Variants in PSD3 observed in about 807,000 individuals in gnomAD.
PSD3 encodes pleckstrin and Sec7 domain containing 3.
In PSD3, 49 loss-of-function variants were observed where a neutral mutation model predicts 105.5. The observed-to-expected ratio is 0.46, with a 90% confidence interval of 0.37 to 0.59. The LOEUF (loss-of-function observed/expected upper bound fraction) is 0.59. PSD3 is among the 20% of genes least tolerant of loss of function. The probability of loss-of-function intolerance (pLI) is 0.00; values close to 1 mark genes in which losing one functional copy is unlikely to be tolerated. For synonymous variants in PSD3, 557 were observed against 457.8 expected, an observed-to-expected ratio of 1.22 and a Z score of -2.77; for missense variants, 1,561 against 1,263.8, an observed-to-expected ratio of 1.24 and a Z score of -3.57.
chr8:19,014,802 G>C (rs1827123284), upstream of PSD3, among the ~76,000 whole-genome samples: 1 of 152,210 alleles, frequency 6.6e-6, no homozygotes. This position sits in a 1 kb window ranked among gnomAD's most constrained non-coding sequence, Gnocchi z 4.9. Flanking sequence ...GAGCATAGCT[G>C]AGATGCACCA....
intron 10 of PSD3, among the ~76,000 whole-genome samples, chr8:18,643,009 G>A (rs1176079832): frequency 6.6e-6 from 1 of 152,178 alleles, no homozygotes; most frequent in Non-Finnish European, 1.5e-5. Context: ...ATTTCACAGA[G>A]CCATATGAGA....
chr8:18,739,471 A>G (rs908075359), intron 9 of PSD3, among the ~76,000 whole-genome samples: 1 of 152,184 alleles, frequency 6.6e-6, no homozygotes, highest in East Asian at 1.9e-4. Context: ...GTTCTAAAAC[A>G]TCTGTTTTAT....
At chr8:18,929,988 G>T (rs1413023327) in intron 2 of PSD3, among the ~76,000 whole-genome samples, 1 of 152,066 alleles carries the variant, frequency 6.6e-6, no homozygotes, top group African/African-American at 2.4e-5. Context: ...TTTAAAATAG[G>T]AAAGAAAAAT....
intron 10 of PSD3, among the ~76,000 whole-genome samples, chr8:18,641,844 T>C (rs180891067): frequency 5.9e-5 from 9 of 152,238 alleles, no homozygotes; most frequent in Admixed American, 2.0e-4. Flanking sequence ...GTTTCTATTA[T>C]ACCACATCAC....
At chr8:18,922,215 C>A (rs1821067131) in intron 2 of PSD3, among the ~76,000 whole-genome samples, 1 of 152,288 alleles carries the variant, frequency 6.6e-6, no homozygotes, top group Admixed American at 6.5e-5. Flanking sequence ...TCTGCAACAT[C>A]TCAAGGACCT....
chr8:18,842,690 G>A (rs960671384), intron 4 of PSD3, among the ~76,000 whole-genome samples: 4 of 151,392 alleles, frequency 2.6e-5, no homozygotes, highest in Non-Finnish European at 5.9e-5. Flanking sequence ...CCGAGATAGC[G>A]CCACCGCACT....
chr8:18,848,938 A>G lies in PSD3; in HGVS notation c.1634+18736T>C, dbSNP rs373898197. On this transcript the variant is annotated intron_variant, in intron 4 of 15. Coordinates refer to ENST00000327040, the MANE Select transcript of PSD3 (RefSeq NM_015310.4). ...AAATGCTCAGCTATGCAATTTCCAC[A>G]AAGTCAATCAATGATGAATTCAAAG... Among the ~76,000 whole-genome samples, 117 of 152,350 alleles carry G rather than the reference A, an allele frequency of 7.7e-4. 2 individuals carry two copies. The South Asian group carries it at 0.024, about 31-fold the overall frequency.
chr8:18,646,347 C>G (rs879834880), intron 10 of PSD3, among the ~76,000 whole-genome samples: 5 of 151,976 alleles, frequency 3.3e-5, no homozygotes, highest in Admixed American at 6.6e-5. Context: ...TCTATATTCA[C>G]TAGGGATTAA....
chr8:18,747,126 C>A (rs1361224955), intron 9 of PSD3, among the ~76,000 whole-genome samples: 1 of 152,186 alleles, frequency 6.6e-6, no homozygotes, highest in Non-Finnish European at 1.5e-5. Flanking sequence ...GTAAATAATG[C>A]CCCCACATCT....
At chr8:18,545,542 G>C (rs1800405294) in intron 15 of PSD3, among the ~76,000 whole-genome samples, 1 of 152,182 alleles carries the variant, frequency 6.6e-6, no homozygotes, top group South Asian at 2.1e-4. Flanking sequence ...CCCAAGATAA[G>C]TAATCTGGGC....
chr8:18,631,581 T>C (rs1249782791), intron 11 of PSD3, among the ~76,000 whole-genome samples: 1 of 151,678 alleles, frequency 6.6e-6, no homozygotes, highest in Non-Finnish European at 1.5e-5. Context: ...TCTTCAGGTG[T>C]GCCCTTTTGC....
At position 18,534,524 on chromosome 8, in the gene PSD3, AG is replaced by A. The variant is rs1218809065; in HGVS notation, c.*1218del. ...AAGTATTTTTAGGAGAAAGTTGAGTAGTAGCAGAGTGAAGTGGCTATCAAGG... is the reference window on the plus strand; with the variant it reads ...AAGTATTTTTAGGAGAAAGTTGAGTATAGCAGAGTGAAGTGGCTATCAAGG... On this transcript the variant is annotated 3_prime_UTR_variant, in exon 16 of 16. Transcript: ENST00000327040. 6.6e-6 allele frequency: 1 copy of A among 152,406 alleles called. No individual in the cohort carries two copies. Among genetic ancestry groups the A allele is most frequent in the East Asian group, 1.9e-4 (1 of 5,192 alleles). The allele number at this position is 152,406 out of a possible 1,614,324, so 9.4% of individuals were successfully genotyped here.
intron 9 of PSD3, among the ~76,000 whole-genome samples, chr8:18,706,185 C>T (rs778328456): frequency 5.3e-5 from 8 of 152,108 alleles, no homozygotes; most frequent in African/African-American, 1.2e-4. Context: ...CTGCCACAGC[C>T]GTTCTGTAGC....
rs986049127 is a variant in PSD3 at position 18,625,089 on chromosome 8, T to A, written c.2410+7524A>T. The stretch of plus-strand genomic sequence containing the variant: ...CTACCCAAAAGTCATGAAGTTACTG[T>A]CCCACATGTTCTTCTAAAAATCTTA... On this transcript the variant is annotated intron_variant, in intron 11 of 15. Transcript: ENST00000327040. Among the ~76,000 whole-genome samples, 5 of 152,074 alleles carry A rather than the reference T, an allele frequency of 3.3e-5. No individual in the cohort carries two copies. In the South Asian group the frequency reaches 1.0e-3, roughly 32 times the overall value.
In PSD3 at chr8:18,804,851, C is replaced by A; in HGVS notation, c.1682G>T (p.Gly561Val). Reference sequence around the variant, plus strand: ...CTCCTTTTCCAAAATTTCAGTGCTCCCCATTTCAGAATGAGCTTCTAGCCG... The same window carrying A: ...CTCCTTTTCCAAAATTTCAGTGCTCACCATTTCAGAATGAGCTTCTAGCCG... ...TTRLEAHSEM[G>V]STEILEKETP... Residue 561 changes from glycine (G) to valine (V), a missense_variant, in exon 5 of 16, where the codon GGG (glycine) becomes GTG (valine). Coordinates refer to ENST00000327040, the MANE Select transcript of PSD3 (RefSeq NM_015310.4). 2 of 1,613,152 alleles carry A rather than the reference C, an allele frequency of 1.2e-6. No individual in the cohort carries two copies. The highest frequency in any genetic ancestry group is 1.7e-6 in the Non-Finnish European group (2 of 1,179,160).
rs1438811698 is a variant in PSD3 at position 19,074,584 on chromosome 8, GATATATAC to G, written c.324+9614_324+9621del. On this transcript the variant is annotated intron_variant, in intron 1 of 1. Transcript: ENST00000521475. ...ATAAAAGGTATAATTTTACAACTCA[GATATATAC>G]ATATATATATATATATATATTTTTT... Among the ~76,000 whole-genome samples, 87 of 99,528 alleles carry G rather than the reference GATATATAC, an allele frequency of 8.7e-4. 3 individuals carry two copies. Among genetic ancestry groups the G allele is most frequent in the Middle Eastern group, 6.2e-3 (1 of 162 alleles). The allele number at this position is 99,528 out of a possible 152,430, so 65.3% of individuals were successfully genotyped here. A position where few individuals can be genotyped will look rare whatever the true frequency, so the allele number is the denominator to read the frequency against.
chr8:18,903,370 T>C (rs1187706887), intron 2 of PSD3, among the ~76,000 whole-genome samples: 1 of 152,072 alleles, frequency 6.6e-6, no homozygotes, highest in East Asian at 1.9e-4. Context: ...TGAGGCCAGG[T>C]GCAGTGGCAG....
chr8:19,008,802 G>C (rs1440702080), intron 1 of PSD3, among the ~76,000 whole-genome samples: 1 of 152,172 alleles, frequency 6.6e-6, no homozygotes, highest in Non-Finnish European at 1.5e-5. Context: ...GGGAAACAGG[G>C]AGCAGCTGCC....
At chr8:18,676,902 C>A (rs1479781597) in intron 9 of PSD3, among the ~76,000 whole-genome samples, 1 of 152,212 alleles carries the variant, frequency 6.6e-6, no homozygotes, top group Non-Finnish European at 1.5e-5. Context: ...ATCTGCTCGG[C>A]TCCATGTTAA....
Sources: allele counts gnomAD v4.1 joint callset (sites outside exome capture counted in the v4.1 genomes callset), GRCh38; gene constraint gnomAD v4.1.1; non-coding constraint Gnocchi (gnomAD v3.1); transcripts MANE v1.5; gene names NCBI Gene and HGNC (gene_info 2026-07-23, HGNC 2026-07-21).